Variants in SLC38A9 observed in about 807,000 individuals in gnomAD.
SLC38A9 encodes the protein solute carrier family 38 member 9, also known as neutral amino acid transporter 9.
SLC38A9 carries 48 observed loss-of-function variants against 62.3 expected under a neutral mutation model. That is an observed-to-expected ratio of 0.77 (90% confidence interval 0.61 to 0.98). The LOEUF (loss-of-function observed/expected upper bound fraction) is 0.98, where lower values mean the gene tolerates loss of function less well. Ranked by LOEUF, SLC38A9 falls within the 50% of genes least tolerant of loss-of-function variation. The pLI, the probability that SLC38A9 is intolerant of heterozygous loss-of-function variation, is 0.00. For synonymous variants in SLC38A9, 204 were observed against 227.7 expected (o/e 0.90, Z 0.94); for missense variants, 541 against 679.8 (o/e 0.80, Z 2.27).
At chr5:55,649,694 C>T (rs990081302) in intron 10 of SLC38A9, among the ~76,000 whole-genome samples, 5 of 152,048 alleles carry the variant, frequency 3.3e-5, no homozygotes, top group Non-Finnish European at 7.4e-5. Flanking sequence ...TGGTGGCACA[C>T]GCCTATAATC....
At chr5:55,707,425 C>A (rs111648310) in intron 2 of SLC38A9, among the ~76,000 whole-genome samples, 74 of 152,232 alleles carry the variant, frequency 4.9e-4, no homozygotes, top group African/African-American at 1.7e-3. Flanking sequence ...AGACATATTC[C>A]AGCCTGGCCA....
At chr5:55,678,308 T>G (rs1752487724) in intron 3 of SLC38A9, among the ~76,000 whole-genome samples, 1 of 151,982 alleles carries the variant, frequency 6.6e-6, no homozygotes, top group Non-Finnish European at 1.5e-5. Context: ...CAGCTAATTT[T>G]GTATTTTTAG....
At chr5:55,691,209 G>C (rs1033374710) in intron 3 of SLC38A9, 7 of 945,172 alleles carry the variant, frequency 7.4e-6, no homozygotes, top group Admixed American at 2.0e-5. Flanking sequence ...ATGTTAAAAT[G>C]CAAATAGCCA....
At chr5:55,675,516 C>G (rs35256455) in intron 3 of SLC38A9, among the ~76,000 whole-genome samples, 90,831 of 151,892 alleles carry the variant, frequency 0.6, 27,769 homozygotes, top group South Asian at 0.7. Context: ...TTAAACAATA[C>G]TATACAGAGA....
intron 12 of SLC38A9, among the ~76,000 whole-genome samples, chr5:55,639,043 C>T (rs1343579691): frequency 1.3e-5 from 2 of 151,936 alleles, no homozygotes; most frequent in South Asian, 2.1e-4. Context: ...GATGGCCAGG[C>T]GCGGTGGTTC....
At chr5:55,654,827 C>T (rs1748110256) in intron 9 of SLC38A9, among the ~76,000 whole-genome samples, 1 of 152,130 alleles carries the variant, frequency 6.6e-6, no homozygotes, top group East Asian at 1.9e-4. Flanking sequence ...TAAATGTTAA[C>T]ATTCAATAAA....
At chr5:55,684,370 T>C (rs1475778892) in intron 3 of SLC38A9, among the ~76,000 whole-genome samples, 1 of 152,224 alleles carries the variant, frequency 6.6e-6, no homozygotes, top group Non-Finnish European at 1.5e-5. Flanking sequence ...AAGTATTTTC[T>C]TTAGAAAGAG....
intron 3 of SLC38A9, among the ~76,000 whole-genome samples, chr5:55,682,986 A>C (rs1753243142): frequency 7.2e-6 from 1 of 138,542 alleles, no homozygotes; most frequent in African/African-American, 2.6e-5. Context: ...GAAAAGAGGG[A>C]GGGAGGGAGG....
chr5:55,680,226 T>TAG (rs59019385), intron 3 of SLC38A9, among the ~76,000 whole-genome samples: 1,560 of 151,334 alleles, frequency 0.01, 16 homozygotes, highest in African/African-American at 0.03. Context: ...TATATATATA[T>TAG]AGAGAGAGAG....
At chr5:55,635,779 T>C in intron 12 of SLC38A9, 122 bp from the exon 13 acceptor site, 1 of 621,926 alleles carries the variant, frequency 1.6e-6, no homozygotes, top group Non-Finnish European at 2.8e-6. Context: ...CATGTGTGTA[T>C]ATACTTCTAG....
chr5:55,666,536 G>A (rs1160927199), intron 7 of SLC38A9, among the ~76,000 whole-genome samples: 1 of 152,128 alleles, frequency 6.6e-6, no homozygotes, highest in Non-Finnish European at 1.5e-5. Context: ...TGAAAAGTTG[G>A]GGACATTAGA....
At chr5:55,666,439 T>C (rs1031452281) in intron 7 of SLC38A9, among the ~76,000 whole-genome samples, 12 of 152,218 alleles carry the variant, frequency 7.9e-5, no homozygotes, top group Admixed American at 4.6e-4. Context: ...GAAATAATTA[T>C]GTTTGATGAA....
intron 3 of SLC38A9, among the ~76,000 whole-genome samples, chr5:55,684,649 ATTGT>A (rs1251421956): frequency 5.3e-5 from 8 of 151,742 alleles, no homozygotes; most frequent in African/African-American, 1.7e-4. Flanking sequence ...TGTTGTTGTT[ATTGT>A]TTGTTTGTTT....
At chr5:55,668,902 T>C (rs3846503) in intron 7 of SLC38A9, among the ~76,000 whole-genome samples, 91,030 of 152,050 alleles carry the variant, frequency 0.6, 27,845 homozygotes, top group South Asian at 0.7. Flanking sequence ...CAAGTCACCA[T>C]TAACTGACAG....
downstream of SLC38A9, chr5:55,625,845 T>G (rs1742354644): frequency 6.6e-6 from 1 of 152,118 alleles, no homozygotes; most frequent in Admixed American, 6.5e-5. Flanking sequence ...AAAAGAGGAG[T>G]TAGACAGCAA....
intron 3 of SLC38A9, among the ~76,000 whole-genome samples, chr5:55,675,815 C>A (rs892102786): frequency 5.3e-5 from 8 of 152,006 alleles, no homozygotes; most frequent in African/African-American, 1.4e-4. Context: ...TACCTAACAC[C>A]TTTTCTAGGT....
intron 12 of SLC38A9, 58 bp downstream of exon 12, chr5:55,645,731 G>A (rs1340738943): frequency 1.7e-6 from 2 of 1,187,280 alleles, no homozygotes; most frequent in Non-Finnish European, 2.4e-6. Context: ...CTCAAATACT[G>A]ACTTAAAAAA....
At chr5:55,633,998 C>G (rs1396810463) in intron 13 of SLC38A9, 96 bp from the exon 14 acceptor site, 1 of 915,828 alleles carries the variant, frequency 1.1e-6, no homozygotes, top group South Asian at 1.9e-5. Flanking sequence ...AACACAGGTG[C>G]TACTCCGATT....
Position 55,707,843 on chromosome 5 carries a change from C to G in SLC38A9, c.-35+3609G>C, listed in dbSNP as rs975558667. On this transcript the variant is annotated intron_variant, in intron 2 of 15. Coordinates refer to ENST00000396865, the MANE Select transcript of SLC38A9 (RefSeq NM_173514.4). Reference sequence around the variant, plus strand: ...GGTAATTATGTCAGGAAGGCAGAACCCTTATGAATGGAGTTAGTAACCTTA... The same window carrying G: ...GGTAATTATGTCAGGAAGGCAGAACGCTTATGAATGGAGTTAGTAACCTTA... Among the ~76,000 whole-genome samples the G allele has an allele frequency of 3.3e-5, 5 of 152,186 alleles. No individual in the cohort carries two copies. In the South Asian group the frequency reaches 8.3e-4, roughly 25 times the overall value.
Sources: gnomAD v4.1 joint callset for allele counts (sites outside exome capture counted in the v4.1 genomes callset) on GRCh38, gnomAD v4.1.1 for gene constraint, MANE v1.5 for transcripts, NCBI Gene and HGNC (gene_info 2026-07-23, HGNC 2026-07-21) for gene names.